ANKS1B: variants seen among roughly 807,000 people sequenced by gnomAD.
ANKS1B encodes the protein ankyrin repeat and sterile alpha motif domain containing 1B, also known as ankyrin repeat and sterile alpha motif domain-containing protein 1B.
In ANKS1B, 36 loss-of-function variants were observed where a neutral mutation model predicts 148.3. That is an observed-to-expected ratio of 0.24 (90% confidence interval 0.19 to 0.32). The LOEUF is 0.32. Ranked by LOEUF, ANKS1B falls within the 10% of genes least tolerant of loss-of-function variation. The pLI is 1.00. For synonymous variants in ANKS1B, 542 were observed against 560.8 expected (o/e 0.97, Z 0.47); for missense variants, 1,157 against 1,542.6 (o/e 0.75, Z 4.19).
Position 99,237,306 on chromosome 12 carries a change from C to A in ANKS1B, c.2419+7036G>T, listed in dbSNP as rs527552844. 5.3e-5 allele frequency among the ~76,000 whole-genome samples: 8 copies of A among 152,046 alleles called. No homozygotes were observed. In the East Asian group the frequency reaches 1.2e-3, roughly 22 times the overall value. Reference sequence around the variant, plus strand: ...ATTATACCCAGCTGTATAGGCCCAGCTATATACATATATATGTATATATAT... The same window carrying A: ...ATTATACCCAGCTGTATAGGCCCAGATATATACATATATATGTATATATAT... On this transcript the variant is annotated intron_variant, in intron 14 of 26. Coordinates refer to ENST00000683438, the MANE Select transcript of ANKS1B (RefSeq NM_001352186.2).
chr12:99,771,084 C>G (rs941973869), intron 8 of ANKS1B, among the ~76,000 whole-genome samples: 16 of 152,088 alleles, frequency 1.1e-4, no homozygotes, highest in African/African-American at 3.6e-4. Context: ...TTTGCCGTAA[C>G]TTCCTGAAAG....
intron 17 of ANKS1B, among the ~76,000 whole-genome samples, chr12:98,886,178 T>C (rs951382929): frequency 6.6e-6 from 1 of 152,104 alleles, no homozygotes; most frequent in African/African-American, 2.4e-5. Context: ...AATAACGAGT[T>C]CAATGAAAAT....
chr12:99,715,474 C>G (rs1172502786), intron 8 of ANKS1B, among the ~76,000 whole-genome samples: 1 of 152,182 alleles, frequency 6.6e-6, no homozygotes, highest in East Asian at 1.9e-4. Context: ...AACGGCCCCA[C>G]CCCTATCTCC....
chr12:99,190,259 T>C (rs6538903), intron 14 of ANKS1B, among the ~76,000 whole-genome samples: 22,683 of 152,116 alleles, frequency 0.15, 4,633 homozygotes, highest in African/African-American at 0.46. Context: ...AAAACGTCCA[T>C]ACTACCCAAA....
rs1054099823 is a variant in ANKS1B, at chr12:99,380,217, T to C, written c.1756+19414A>G. On this transcript the variant is annotated intron_variant, in intron 12 of 26. Transcript: ENST00000683438. ...TCATGTCTGGTCCATTTTAATTTATTGGTTGCCTAAATATTCAATCAGAGC... is the reference window on the plus strand; with the variant it reads ...TCATGTCTGGTCCATTTTAATTTATCGGTTGCCTAAATATTCAATCAGAGC... Among the ~76,000 whole-genome samples the C allele has an allele frequency of 2.0e-5, 3 of 152,352 alleles. No homozygotes were observed. In the South Asian group the frequency reaches 6.2e-4, roughly 32 times the overall value.
intron 10 of ANKS1B, among the ~76,000 whole-genome samples, chr12:99,456,179 G>A (rs2724190): frequency 0.38 from 57,630 of 151,700 alleles, 12,339 homozygotes; most frequent in African/African-American, 0.6. Flanking sequence ...AAAAATAACA[G>A]TCACTTCAGC....
At chr12:99,021,771 A>G (rs185274185) in intron 17 of ANKS1B, among the ~76,000 whole-genome samples, 40 of 152,334 alleles carry the variant, frequency 2.6e-4, no homozygotes, top group Admixed American at 1.2e-3. Flanking sequence ...ATATGTGTCA[A>G]TCAAAAGTAA....
chr12:99,463,226 T>C (rs1172066179), intron 10 of ANKS1B, among the ~76,000 whole-genome samples: 1 of 152,234 alleles, frequency 6.6e-6, no homozygotes, highest in Non-Finnish European at 1.5e-5. Flanking sequence ...TAGGAATGCA[T>C]GGATGGAATA....
At chr12:99,526,599 C>G (rs530087703) in intron 9 of ANKS1B, among the ~76,000 whole-genome samples, 10 of 152,202 alleles carry the variant, frequency 6.6e-5, no homozygotes, top group African/African-American at 1.7e-4. Context: ...GATAGCATCC[C>G]TCTTTAGAAG....
At chr12:99,674,321 A>G (rs1326788235) in intron 8 of ANKS1B, among the ~76,000 whole-genome samples, 1 of 151,850 alleles carries the variant, frequency 6.6e-6, no homozygotes, top group Non-Finnish European at 1.5e-5. Context: ...AGAACTGTAC[A>G]TAACACACAT....
intron 10 of ANKS1B, among the ~76,000 whole-genome samples, chr12:99,468,146 C>A (rs943205223): frequency 6.6e-6 from 1 of 152,088 alleles, no homozygotes; most frequent in Non-Finnish European, 1.5e-5. Context: ...ATATCTACAA[C>A]TATCTGATCT....
chr12:99,954,051 ACT>A (rs1166062865), intron 1 of ANKS1B, among the ~76,000 whole-genome samples: 1 of 152,066 alleles, frequency 6.6e-6, no homozygotes. Context: ...GTTCTGGGAG[ACT>A]CTAAACAAAA....
chr12:99,493,837 T>C (rs1234388050), intron 10 of ANKS1B, among the ~76,000 whole-genome samples: 1 of 152,144 alleles, frequency 6.6e-6, no homozygotes, highest in African/African-American at 2.4e-5. Flanking sequence ...AGATATTAGA[T>C]GGATTAATAG....
intron 15 of ANKS1B, among the ~76,000 whole-genome samples, chr12:99,144,413 T>G (rs1357987224): frequency 1.3e-5 from 2 of 152,098 alleles, no homozygotes; most frequent in South Asian, 2.1e-4. Context: ...TTAGAAAGAT[T>G]GAATTCATCA....
intron 17 of ANKS1B, among the ~76,000 whole-genome samples, chr12:98,948,970 T>G (rs1285833264): frequency 7.0e-6 from 1 of 142,538 alleles, no homozygotes; most frequent in Non-Finnish European, 1.5e-5. Context: ...TTTTTTTTTT[T>G]GAGATGGAGT....
chr12:99,968,682 C>T (rs1490675660), intron 1 of ANKS1B, among the ~76,000 whole-genome samples: 1 of 152,156 alleles, frequency 6.6e-6, no homozygotes, highest in Non-Finnish European at 1.5e-5. Flanking sequence ...TTGTTCCCTC[C>T]AAATCTCATA....
At chr12:99,154,699 A>G in intron 14 of ANKS1B, 1 of 1,436,648 alleles carries the variant, frequency 7.0e-7, no homozygotes, top group Non-Finnish European at 9.1e-7. Flanking sequence ...AAGAAGGCAT[A>G]TCAAGCTGTC....
At chr12:99,192,257 T>C (rs1279799302) in intron 14 of ANKS1B, among the ~76,000 whole-genome samples, 1 of 152,126 alleles carries the variant, frequency 6.6e-6, no homozygotes, top group Non-Finnish European at 1.5e-5. Context: ...TTAAAAATGA[T>C]TTGAAAATTG....
At chr12:98,990,438 GT>G (rs1204687741) in intron 17 of ANKS1B, among the ~76,000 whole-genome samples, 1 of 150,886 alleles carries the variant, frequency 6.6e-6, no homozygotes, top group Non-Finnish European at 1.5e-5. Context: ...AAGAGTCAAT[GT>G]TTTTTTTCTA....
Sources: allele counts gnomAD v4.1 joint callset (sites outside exome capture counted in the v4.1 genomes callset), GRCh38; gene constraint gnomAD v4.1.1; transcripts MANE v1.5; gene names NCBI Gene and HGNC (gene_info 2026-07-23, HGNC 2026-07-21).